The following GPATCH8 variants were observed in gnomAD, a reference collection of about 807,000 sequenced individuals.
GPATCH8 encodes the protein G patch domain-containing protein 8.
GPATCH8 carries 18 observed loss-of-function variants against 118.3 expected under a neutral mutation model. That is an observed-to-expected ratio of 0.15 (90% confidence interval 0.11 to 0.23). The LOEUF is 0.23. Ranked by LOEUF, GPATCH8 falls within the 10% of genes least tolerant of loss-of-function variation. The probability of loss-of-function intolerance (pLI) is 1.00; values close to 1 mark genes in which losing one functional copy is unlikely to be tolerated. For missense variants in GPATCH8, 1,631 were observed against 1,873.8 expected (o/e 0.87, Z 2.39); for synonymous variants, 659 against 684.7 (o/e 0.96, Z 0.59).
intron 1 of GPATCH8, among the ~76,000 whole-genome samples, chr17:44,495,104 G>A (rs1404779948): frequency 2.0e-5 from 3 of 152,076 alleles, no homozygotes; most frequent in Admixed American, 6.6e-5. Flanking sequence ...GGAGGCCAAG[G>A]CGGGCAGATC....
At chr17:44,443,198 A>AT (rs1199538743) in intron 3 of GPATCH8, among the ~76,000 whole-genome samples, 2 of 152,246 alleles carry the variant, frequency 1.3e-5, no homozygotes, top group East Asian at 1.9e-4. Context: ...GAAAATCAAG[A>AT]TAAAAAAAAT....
intron 5 of GPATCH8, among the ~76,000 whole-genome samples, chr17:44,431,766 T>TA (rs554385976): frequency 1.8e-4 from 27 of 149,162 alleles, no homozygotes; most frequent in African/African-American, 1.5e-4. Context: ...CCCTATCTCT[T>TA]AAAAAAAAAA....
chr17:44,456,013 C>G (rs777160533), intron 3 of GPATCH8, among the ~76,000 whole-genome samples: 36 of 152,094 alleles, frequency 2.4e-4, no homozygotes, highest in Non-Finnish European at 3.5e-4. Flanking sequence ...TCCCAAAGTG[C>G]TGGGATTACA....
At chr17:44,410,617 T>G (rs17543010) in intron 6 of GPATCH8, among the ~76,000 whole-genome samples, 5,865 of 152,314 alleles carry the variant, frequency 0.039, 172 homozygotes, top group Non-Finnish European at 0.059. Context: ...ACATAGCACA[T>G]TTTTAGTTGG....
At chr17:44,491,245 C>T (rs946821731) in intron 1 of GPATCH8, among the ~76,000 whole-genome samples, 1 of 152,114 alleles carries the variant, frequency 6.6e-6, no homozygotes, top group Non-Finnish European at 1.5e-5. Context: ...AATCCCAGCA[C>T]TTTGGGAGGC....
chr17:44,474,998 T>C, intron 1 of GPATCH8, 95 bp from the exon 2 acceptor site: 1 of 525,750 alleles, frequency 1.9e-6, no homozygotes, highest in Non-Finnish European at 3.5e-6. Flanking sequence ...TAACTTTTCT[T>C]TTTTTTTTTT....
intron 6 of GPATCH8, among the ~76,000 whole-genome samples, chr17:44,418,225 C>T (rs1422312482): frequency 6.6e-6 from 1 of 151,996 alleles, no homozygotes; most frequent in Non-Finnish European, 1.5e-5. Flanking sequence ...GGTGGTGCTG[C>T]TATTAATTAA....
At chr17:44,409,572 CTG>C (rs1361961306) in intron 6 of GPATCH8, among the ~76,000 whole-genome samples, 1 of 152,164 alleles carries the variant, frequency 6.6e-6, no homozygotes, top group Admixed American at 6.5e-5. Context: ...CCAGTTATTC[CTG>C]TCTTTTAAAA....
chr17:44,475,386 GA>G lies in GPATCH8; in HGVS notation c.46-484del, dbSNP rs1167619822. Among the ~76,000 whole-genome samples the G allele has an allele frequency of 6.0e-3, 543 of 90,754 alleles. 4 individuals carry two copies. Among genetic ancestry groups the G allele is most frequent in the African/African-American group, 0.018 (428 of 24,246 alleles). The allele number at this position is 90,754 out of a possible 152,430, so 59.5% of individuals were successfully genotyped here. A position where few individuals can be genotyped will look rare whatever the true frequency, so the allele number is the denominator to read the frequency against. ...CAGAACGAGACTCCATCTCAAAAAA[GA>G]AAAAAAAAAAAAGAAAAAACTTTAT... On this transcript the variant is annotated intron_variant, in intron 1 of 7. Transcript: ENST00000591680.
rs71361571 is a variant in GPATCH8 at position 44,426,848 on chromosome 17, ACTCTCT to A, written c.349-2362_349-2357del. Among the ~76,000 whole-genome samples the A allele has an allele frequency of 5.2e-3, 183 of 35,462 alleles. 1 individual carries two copies. Among genetic ancestry groups the A allele is most frequent in the East Asian group, 0.018 (25 of 1,414 alleles). 23.3% of individuals were successfully genotyped at this position (35,462 alleles called of 152,430 possible). On this transcript the variant is annotated intron_variant, in intron 5 of 7. Coordinates refer to ENST00000591680, the MANE Select transcript of GPATCH8 (RefSeq NM_001002909.4). ...GATCTCTTCAACAACACACACACACACTCTCTCTCTCTCTCTCTCTCTCTCTCTCTC... is the reference window on the plus strand; with the variant it reads ...GATCTCTTCAACAACACACACACACACTCTCTCTCTCTCTCTCTCTCTCTC...
intron 7 of GPATCH8, among the ~76,000 whole-genome samples, chr17:44,404,617 T>TGAGAACTGA (rs1166508081): frequency 2.0e-5 from 3 of 152,098 alleles, no homozygotes; most frequent in Non-Finnish European, 4.4e-5. Context: ...ATAAGGAAAC[T>TGAGAACTGA]GAGGCATAGA....
At chr17:44,415,043 G>T (rs565230164) in intron 6 of GPATCH8, among the ~76,000 whole-genome samples, 13 of 152,242 alleles carry the variant, frequency 8.5e-5, no homozygotes, top group Non-Finnish European at 1.2e-4. Context: ...ACATTTTTAG[G>T]CAAGTTCTTG....
chr17:44,402,400 T>G (rs1055923530), intron 7 of GPATCH8, among the ~76,000 whole-genome samples: 1 of 151,608 alleles, frequency 6.6e-6, no homozygotes, highest in African/African-American at 2.4e-5. Flanking sequence ...GTTTCTGATC[T>G]CATTTCTTAT....
At position 44,468,373 on chromosome 17, in the gene GPATCH8, CTTTTTTTTTT is replaced by C. The variant is rs869068538; in HGVS notation, c.121-3839_121-3830del. Reference sequence around the variant, plus strand: ...CAATGAACATTAAATTTCTTTGTTCCTTTTTTTTTTTTTTTTTTTTTTTTTTTTTTGTGAG... The same window carrying C: ...CAATGAACATTAAATTTCTTTGTTCCTTTTTTTTTTTTTTTTTTTTGTGAG... On this transcript the variant is annotated intron_variant, in intron 2 of 7. Transcript: ENST00000591680. Among the ~76,000 whole-genome samples the C allele has an allele frequency of 9.0e-3, 897 of 100,000 alleles. 4 individuals carry two copies. The highest frequency in any genetic ancestry group is 0.025 in the African/African-American group (580 of 23,196). 65.6% of individuals were successfully genotyped at this position (100,000 alleles called of 152,430 possible).
At chr17:44,460,200 C>T (rs964396898) in intron 3 of GPATCH8, among the ~76,000 whole-genome samples, 3 of 152,194 alleles carry the variant, frequency 2.0e-5, no homozygotes, top group South Asian at 2.1e-4. Flanking sequence ...CTGAATTAAA[C>T]ATATCCTCTG....
chr17:44,484,797 G>A (rs556642004), intron 1 of GPATCH8, among the ~76,000 whole-genome samples: 1 of 152,194 alleles, frequency 6.6e-6, no homozygotes, highest in South Asian at 2.1e-4. Context: ...ATATTTCAAT[G>A]TATCATAAGT....
intron 3 of GPATCH8, among the ~76,000 whole-genome samples, chr17:44,460,570 C>T (rs926892517): frequency 2.0e-5 from 3 of 152,118 alleles, no homozygotes; most frequent in Non-Finnish European, 4.4e-5. Flanking sequence ...TTGGCAAAAG[C>T]CTTGCATGGG....
At chr17:44,405,665 C>T (rs1169405903) in intron 7 of GPATCH8, among the ~76,000 whole-genome samples, 3 of 151,804 alleles carry the variant, frequency 2.0e-5, no homozygotes, top group Non-Finnish European at 2.9e-5. Flanking sequence ...CCACCATGCC[C>T]GGCTAATTTT....
At chr17:44,469,393 T>C (rs1967096104) in intron 2 of GPATCH8, among the ~76,000 whole-genome samples, 2 of 152,162 alleles carry the variant, frequency 1.3e-5, no homozygotes, top group Non-Finnish European at 2.9e-5. Flanking sequence ...GCACCACCAA[T>C]ACACATGTAT....
Sources: allele counts gnomAD v4.1 joint callset (sites outside exome capture counted in the v4.1 genomes callset), GRCh38; gene constraint gnomAD v4.1.1; transcripts MANE v1.5; gene names NCBI Gene and HGNC (gene_info 2026-07-23, HGNC 2026-07-21).